Variants in NUP155 observed in about 807,000 individuals in gnomAD.
NUP155 encodes nucleoporin 155, also known as nuclear pore complex protein Nup155.
In NUP155, 71 loss-of-function variants were observed where a neutral mutation model predicts 180.4. The observed-to-expected ratio is 0.39, with a 90% CI of 0.33 to 0.48. The LOEUF is 0.48. Ranked by LOEUF, NUP155 falls within the 20% of genes least tolerant of loss-of-function variation. NUP155 has a pLI of 0.91. For synonymous variants in NUP155, 582 were observed against 559.5 expected, an observed-to-expected ratio of 1.04 and a Z score of -0.57; for missense variants, 1,553 against 1,648.9, an observed-to-expected ratio of 0.94 and a Z score of 1.01.
intron 9 of NUP155, among the ~76,000 whole-genome samples, chr5:37,343,828 T>C (rs1312023796): frequency 6.6e-6 from 1 of 151,798 alleles, no homozygotes; most frequent in Non-Finnish European, 1.5e-5. Context: ...AAGGTGGAGG[T>C]TGCAGTGAGC....
intron 19 of NUP155, among the ~76,000 whole-genome samples, chr5:37,324,835 T>C (rs1237742132): frequency 6.6e-6 from 1 of 152,166 alleles, no homozygotes; most frequent in Admixed American, 6.6e-5. Context: ...TGTGCCCAAC[T>C]CATGAACTTT....
At chr5:37,355,084 T>C (rs1452552325) in intron 4 of NUP155, among the ~76,000 whole-genome samples, 1 of 149,968 alleles carries the variant, frequency 6.7e-6, no homozygotes, top group Non-Finnish European at 1.5e-5. Flanking sequence ...AGAATGAGAC[T>C]CCATCTCAAA....
At chr5:37,320,088 G>A (rs1744147315) in intron 20 of NUP155, among the ~76,000 whole-genome samples, 1 of 152,134 alleles carries the variant, frequency 6.6e-6, no homozygotes, top group African/African-American at 2.4e-5. Flanking sequence ...AGGCGGCTGA[G>A]TCTGAGATTG....
intron 29 of NUP155, among the ~76,000 whole-genome samples, chr5:37,302,144 T>C (rs943106307): frequency 6.6e-6 from 1 of 152,244 alleles, no homozygotes; most frequent in Non-Finnish European, 1.5e-5. Context: ...CTACTCTACT[T>C]CATACATCTA....
In NUP155 at chr5:37,347,034, T is replaced by C. The variant is rs374416130; in HGVS notation, c.995+1471A>G. Among the ~76,000 whole-genome samples, 18 of 151,592 alleles carry C rather than the reference T, an allele frequency of 1.2e-4. No individual in the cohort carries two copies. In the East Asian group the frequency reaches 3.4e-3, roughly 28 times the overall value. ...CTTGAGTCCAGGAGTTCAAGACCAG[T>C]CTGGGCAACACGGTGAAGCCCTGTC... is the stretch of plus-strand genomic sequence containing the variant. On this transcript the variant is annotated intron_variant, in intron 9 of 34. Transcript: ENST00000231498.
chr5:37,314,177 T>TA, intron 22 of NUP155, 21 bp downstream of exon 22: 2 of 1,562,086 alleles, frequency 1.3e-6, no homozygotes, highest in South Asian at 1.1e-5. Context: ...GGTATAATCA[T>TA]AAAAAAATAA....
At chr5:37,325,469 T>C (rs1297561448) in intron 19 of NUP155, among the ~76,000 whole-genome samples, 1 of 152,032 alleles carries the variant, frequency 6.6e-6, no homozygotes, top group Non-Finnish European at 1.5e-5. Flanking sequence ...TGCAAACATA[T>C]ACATAAAAGA....
chr5:37,347,336 C>CAT (rs2307868), intron 9 of NUP155, among the ~76,000 whole-genome samples: 51,022 of 151,966 alleles, frequency 0.34, 13,772 homozygotes, highest in African/African-American at 0.75. Flanking sequence ...AGGAAAAACA[C>CAT]GTCAAGCTGT....
chr5:37,323,896 C>T (rs1232349677), intron 20 of NUP155, 96 bp downstream of exon 20: 3 of 814,014 alleles, frequency 3.7e-6, no homozygotes, highest in East Asian at 5.3e-5. Context: ...CTAAACTGCA[C>T]ACTTTAAAAG....
intron 1 of NUP155, among the ~76,000 whole-genome samples, chr5:37,365,630 C>T (rs1339876792): frequency 7.0e-6 from 1 of 143,404 alleles, no homozygotes; most frequent in Non-Finnish European, 1.5e-5. Flanking sequence ...ACTGCTTGAA[C>T]CTGGGAGGCG....
At chr5:37,311,628 A>G (rs917620168) in intron 22 of NUP155, among the ~76,000 whole-genome samples, 3 of 152,160 alleles carry the variant, frequency 2.0e-5, no homozygotes, top group African/African-American at 7.2e-5. Context: ...AGTGTTTCAG[A>G]GTAATGAAAT....
At chr5:37,326,357 A>C (rs1267676433) in intron 18 of NUP155, among the ~76,000 whole-genome samples, 2 of 152,192 alleles carry the variant, frequency 1.3e-5, no homozygotes, top group East Asian at 1.9e-4. Context: ...TTGCAAAAAC[A>C]ACCACATTTC....
chr5:37,334,957 A>G (rs1004106572), intron 12 of NUP155, among the ~76,000 whole-genome samples: 1 of 152,014 alleles, frequency 6.6e-6, no homozygotes, highest in African/African-American at 2.4e-5. Flanking sequence ...CAGGAGTTCG[A>G]GACCAGCCAG....
At chr5:37,327,484 A>C in intron 18 of NUP155, 145 bp downstream of exon 18, 1 of 777,680 alleles carries the variant, frequency 1.3e-6, no homozygotes, top group Non-Finnish European at 2.2e-6. Context: ...AAACTGGAAT[A>C]ATAGAAAAGT....
intron 13 of NUP155, among the ~76,000 whole-genome samples, chr5:37,333,097 G>A (rs12516541): frequency 0.16 from 23,916 of 152,184 alleles, 1,929 homozygotes; most frequent in South Asian, 0.2. Flanking sequence ...GCTCACACCT[G>A]TAATCCCAGA....
chr5:37,342,488 A>C (rs1191698831), intron 10 of NUP155, 61 bp downstream of exon 10: 5 of 1,035,650 alleles, frequency 4.8e-6, no homozygotes, highest in Non-Finnish European at 7.5e-6. Flanking sequence ...ATAAATTTCC[A>C]AATCTAAGAA....
intron 25 of NUP155, among the ~76,000 whole-genome samples, chr5:37,306,332 C>T (rs1355673710): frequency 6.6e-6 from 1 of 152,148 alleles, no homozygotes; most frequent in East Asian, 1.9e-4. Context: ...CACTTGAGCC[C>T]AAAAGGTCAA....
intron 1 of NUP155, among the ~76,000 whole-genome samples, chr5:37,369,467 G>T (rs1348105693): frequency 6.6e-6 from 1 of 152,164 alleles, no homozygotes; most frequent in East Asian, 1.9e-4. Flanking sequence ...GAAAAGAAGG[G>T]GAAGAGACTG....
At chr5:37,317,260 G>A (rs564554373) in intron 21 of NUP155, among the ~76,000 whole-genome samples, 4 of 152,096 alleles carry the variant, frequency 2.6e-5, no homozygotes, top group South Asian at 2.1e-4. Context: ...AGGCCGAGGC[G>A]GACGGGATCA....
Sources: gnomAD v4.1 joint callset for allele counts (sites outside exome capture counted in the v4.1 genomes callset) on GRCh38, gnomAD v4.1.1 for gene constraint, MANE v1.5 for transcripts, NCBI Gene and HGNC (gene_info 2026-07-23, HGNC 2026-07-21) for gene names.